The following CES4A variants were observed in gnomAD, a reference collection of about 807,000 sequenced individuals.
The protein encoded by CES4A is carboxylesterase 6.
A neutral mutation model predicts 65.4 loss-of-function variants in CES4A; 48 were observed. The observed-to-expected ratio is 0.73, with a 90% CI of 0.58 to 0.93. The LOEUF is 0.93. Among genes scored for constraint, CES4A ranks in the 40% least tolerant of loss-of-function variants. CES4A has a pLI of 0.00. For synonymous variants in CES4A, 247 were observed against 281.8 expected, an observed-to-expected ratio of 0.88 and a Z score of 1.24; for missense variants, 685 against 728.5, an observed-to-expected ratio of 0.94 and a Z score of 0.69.
At chr16:67,009,194 C>A in exon 14 of CES4A, 2 of 1,538,898 alleles carry the variant, frequency 1.3e-6, no homozygotes, top group South Asian at 1.2e-5. Context: ...ACCATCCAGG[C>A]CCTGGGGAGA....
intron 13 of CES4A, chr16:67,008,402 T>G (rs183702997): frequency 1.2e-3 from 178 of 152,264 alleles, no homozygotes; most frequent in Non-Finnish European, 2.1e-3. Context: ...CTTTTTTTTT[T>G]GTTTTTGTGT....
chr16:67,009,241 C>T, exon 14 of CES4A: 1 of 1,248,266 alleles, frequency 8.0e-7, no homozygotes, highest in Non-Finnish European at 1.1e-6. Context: ...GAGTTCTACC[C>T]ACCCCAGTTT....
At chr16:67,004,167 A>C (rs770227990) in exon 9 of CES4A, 1 of 1,614,158 alleles carries the variant, frequency 6.2e-7, no homozygotes, top group South Asian at 1.1e-5. Context: ...GGAAGGTTTC[A>C]TCTGTGCCCT....
In CES4A at chr16:67,001,075, G is replaced by A. The variant is rs1176865172; in HGVS notation, c.536+85G>A. On this transcript the variant is annotated intron_variant, in intron 4 of 13. Transcript: ENST00000648724. This position sits in a 1 kb window ranked among gnomAD's most constrained non-coding sequence, Gnocchi z 4.1. ...GGAAGGGAGGGGCGGGGCCTGGGGC[G>A]GGGATGGGGGGGGTGGGGCCGCGAG... 1.1e-6 allele frequency: 1 copy of A among 934,720 alleles called. No individual in the cohort carries two copies. The highest frequency in any genetic ancestry group is 2.9e-5 in the Admixed American group (1 of 34,660). 57.9% of individuals were successfully genotyped at this position (934,720 alleles called of 1,614,324 possible).
chr16:66,996,116 C>G (rs990655832), intron 2 of CES4A: 17 of 518,566 alleles, frequency 3.3e-5, no homozygotes, highest in African/African-American at 2.9e-4. Context: ...CGGCTCACTG[C>G]AACCTCCGCC....
intron 1 of CES4A, among the ~76,000 whole-genome samples, chr16:66,993,348 G>T (rs973434262): frequency 1.3e-5 from 2 of 152,092 alleles, no homozygotes; most frequent in African/African-American, 4.8e-5. Context: ...TGGAGTGTTT[G>T]TTTGTCTGTT....
chr16:67,001,394 TC>T lies in CES4A; in HGVS notation c.624del (p.Phe208LeufsTer8), dbSNP rs772800997. The T allele has an allele frequency of 2.9e-5, 46 of 1,613,522 alleles. No individual in the cohort carries two copies. Among genetic ancestry groups the T allele is most frequent in the Non-Finnish European group, 3.7e-5 (44 of 1,179,914 alleles). On this transcript the variant is annotated frameshift_variant, in exon 5 of 14. Transcript: ENST00000648724. LOFTEE classifies it high-confidence loss of function. The surrounding 1 kb of genome is among the most constrained non-coding windows in gnomAD (Gnocchi z 4.1). ...TGGGTGCAGGAGAACATCGCAGCCT[TC>T]GGGGGAGACCCAGGAAATGTGACCC...
At chr16:67,006,206 G>T in intron 11 of CES4A, 185 bp from the exon 12 acceptor site, 1 of 597,244 alleles carries the variant, frequency 1.7e-6, no homozygotes, top group Non-Finnish European at 2.9e-6. Context: ...AATTCAGAAA[G>T]GTAGAGCAAC....
chr16:66,988,607 T>C (rs1964136460), exon 1 of CES4A: 1 of 1,387,398 alleles, frequency 7.2e-7, no homozygotes, highest in African/African-American at 1.4e-5. Flanking sequence ...GGCTGTGGGC[T>C]GGTCAGAAGC....
At position 67,001,876 on chromosome 16, in the gene CES4A, C is replaced by T. The variant is rs1167293184; in HGVS notation, c.690+415C>T. On this transcript the variant is annotated intron_variant, in intron 5 of 13. Coordinates refer to ENST00000648724, the Ensembl canonical transcript of CES4A. This position sits in a 1 kb window ranked among gnomAD's most constrained non-coding sequence, Gnocchi z 4.1. ...CCCTGACTCCTGTGTGACTGCTGAC[C>T]TGGGATGTGCCTGGAATGTGGGTGT... Among the ~76,000 whole-genome samples, 1 of 152,260 alleles carries T rather than the reference C, an allele frequency of 6.6e-6. No individual in the cohort carries two copies. The highest frequency in any genetic ancestry group is 2.4e-5 in the African/African-American group (1 of 41,472).
In CES4A at chr16:67,003,914, C is replaced by T. The variant is rs1419480345; in HGVS notation, c.940-170C>T. Among the ~76,000 whole-genome samples, 1 of 152,176 alleles carries T rather than the reference C, an allele frequency of 6.6e-6. No homozygotes were observed. The highest frequency in any genetic ancestry group is 6.5e-5 in the Admixed American group (1 of 15,272). The stretch of plus-strand genomic sequence containing the variant: ...CCAAGTCCACGTAATTTGGTCCTGC[C>T]TATCCTGCTCCCCTCCCACACCCAT... On this transcript the variant is annotated intron_variant, in intron 8 of 13. Coordinates refer to ENST00000648724, the Ensembl canonical transcript of CES4A. This position sits in a 1 kb window ranked among gnomAD's most constrained non-coding sequence, Gnocchi z 4.2.
At chr16:67,008,903 A>G in intron 13 of CES4A, 71 bp from the exon 14 acceptor site, 1 of 1,499,958 alleles carries the variant, frequency 6.7e-7, no homozygotes, top group Non-Finnish European at 9.1e-7. Context: ...AAATTAAACG[A>G]GGGAAGGGTG....
Position 67,001,501 on chromosome 16 carries a change from C to T in CES4A, c.690+40C>T, listed in dbSNP as rs1965352295. 1.3e-6 allele frequency: 2 copies of T among 1,546,224 alleles called. No homozygotes were observed. Among genetic ancestry groups the T allele is most frequent in the Non-Finnish European group, 1.7e-6 (2 of 1,146,422 alleles). ...CAGACGGACCGAGCACAGACTTAGG[C>T]TCCTGCGTTCCCACAAATGTATGCT... On this transcript the variant is annotated intron_variant, in intron 5 of 13. Transcript: ENST00000648724. The surrounding 1 kb of genome is among the most constrained non-coding windows in gnomAD (Gnocchi z 4.1).
At chr16:66,988,604 G>A in exon 1 of CES4A, 1 of 1,375,358 alleles carries the variant, frequency 7.3e-7, no homozygotes. Flanking sequence ...CAAGGCTGTG[G>A]GCTGGTCAGA....
At position 67,001,560 on chromosome 16, in the gene CES4A, C is replaced by T; in HGVS notation, c.690+99C>T. 7.3e-7 allele frequency: 1 copy of T among 1,369,534 alleles called. No homozygotes were observed. The highest frequency in any genetic ancestry group is 1.9e-4 in the Middle Eastern group (1 of 5,262). 84.8% of individuals were successfully genotyped at this position (1,369,534 alleles called of 1,614,324 possible). A position where few individuals can be genotyped will look rare whatever the true frequency, so the allele number is the denominator to read the frequency against. Reference sequence around the variant, plus strand: ...CAGGCCATGTGCAGATTTGCGTGTACAGGAACGTGCCTGCCACAGAAATGC... The same window carrying T: ...CAGGCCATGTGCAGATTTGCGTGTATAGGAACGTGCCTGCCACAGAAATGC... On this transcript the variant is annotated intron_variant, in intron 5 of 13. Transcript: ENST00000648724. This position sits in a 1 kb window ranked among gnomAD's most constrained non-coding sequence, Gnocchi z 4.1.
chr16:67,007,879 G>C (rs1965893842), intron 13 of CES4A: 1 of 151,972 alleles, frequency 6.6e-6, no homozygotes, highest in African/African-American at 2.4e-5. Flanking sequence ...CTGCTTCCCG[G>C]GTTTATGCCA....
At chr16:67,004,697 T>G in intron 9 of CES4A, 96 bp from the exon 10 acceptor site, 1 of 946,590 alleles carries the variant, frequency 1.1e-6, no homozygotes, top group Non-Finnish European at 1.6e-6. Flanking sequence ...AACTCATCAT[T>G]AGATGGGCAA....
At chr16:66,993,158 T>C (rs944998573) in intron 1 of CES4A, among the ~76,000 whole-genome samples, 4 of 152,208 alleles carry the variant, frequency 2.6e-5, no homozygotes, top group Non-Finnish European at 4.4e-5. Flanking sequence ...GCCTATTTCA[T>C]ATCTATGCCA....
chr16:66,991,026 G>A (rs182101832), intron 1 of CES4A, among the ~76,000 whole-genome samples: 6 of 151,594 alleles, frequency 4.0e-5, no homozygotes, highest in Non-Finnish European at 8.8e-5. Flanking sequence ...TTCTTTTTTG[G>A]TTGTTGTTTT....
Sources: allele counts gnomAD v4.1 joint callset (sites outside exome capture counted in the v4.1 genomes callset), GRCh38; gene constraint gnomAD v4.1.1; non-coding constraint Gnocchi (gnomAD v3.1); transcripts MANE v1.5; gene names NCBI Gene and HGNC (gene_info 2026-07-23, HGNC 2026-07-21).